Variants in GMEB2 observed in about 807,000 individuals in gnomAD.
GMEB2 encodes glucocorticoid modulatory element-binding protein 2.
In GMEB2, 7 loss-of-function variants were observed where a neutral mutation model predicts 45.7. The observed-to-expected ratio is 0.15, with a 90% CI of 0.09 to 0.29. The LOEUF is 0.29. GMEB2 is among the 10% of genes least tolerant of loss of function. The probability of loss-of-function intolerance (pLI) is 1.00; values close to 1 mark genes in which losing one functional copy is unlikely to be tolerated. For missense variants in GMEB2, 582 were observed against 739.2 expected (o/e 0.79, Z 2.47); for synonymous variants, 322 against 323.6 (o/e 1.00, Z 0.05).
intron 6 of GMEB2, among the ~76,000 whole-genome samples, chr20:63,595,304 G>A (rs2083186425): frequency 6.6e-6 from 1 of 151,954 alleles, no homozygotes; most frequent in East Asian, 1.9e-4. Flanking sequence ...GGGCCGGGTG[G>A]GCGCCCAGGC....
chr20:63,590,837 G>T, intron 9 of GMEB2, 108 bp from the exon 10 acceptor site: 2 of 636,972 alleles, frequency 3.1e-6, no homozygotes, highest in South Asian at 2.6e-5. Context: ...CTGGGTCAGT[G>T]GCAACCCAGG....
At chr20:63,626,763 C>A (rs947415924) in intron 1 of GMEB2, among the ~76,000 whole-genome samples, 193 bp downstream of exon 1, 9 of 146,744 alleles carry the variant, frequency 6.1e-5, no homozygotes, top group Non-Finnish European at 1.4e-4. Flanking sequence ...GCGCCCGCCA[C>A]CGCCCGCGCC....
intron 1 of GMEB2, among the ~76,000 whole-genome samples, chr20:63,626,027 G>A (rs974300880): frequency 6.6e-6 from 1 of 152,266 alleles, no homozygotes; most frequent in Non-Finnish European, 1.5e-5. Flanking sequence ...CGACTTTTCA[G>A]TCACGCATGA....
intron 6 of GMEB2, among the ~76,000 whole-genome samples, chr20:63,594,527 C>A (rs1468411323): frequency 6.6e-6 from 1 of 152,176 alleles, no homozygotes; most frequent in Non-Finnish European, 1.5e-5. Flanking sequence ...TGAGGCCTCC[C>A]TAGTGCCCTG....
At chr20:63,597,174 T>G (rs1245789882) in intron 5 of GMEB2, among the ~76,000 whole-genome samples, 4 of 150,032 alleles carry the variant, frequency 2.7e-5, no homozygotes, top group Non-Finnish European at 5.9e-5. Context: ...GTTTTTTTTT[T>G]TTTTTGAGAC....
At position 63,589,943 on chromosome 20, in the gene GMEB2, A is replaced by G; in HGVS notation, c.*146T>C. ...TTCTGTCCCCTTCTCTCTTCTCGTGATTTGTTTTGGCGATTCCTCTCTTTG... is the reference window on the plus strand; with the variant it reads ...TTCTGTCCCCTTCTCTCTTCTCGTGGTTTGTTTTGGCGATTCCTCTCTTTG... On this transcript the variant is annotated 3_prime_UTR_variant, in exon 10 of 10. Transcript: ENST00000370077. The G allele has an allele frequency of 1.8e-6, 1 of 569,048 alleles. No homozygotes were observed. Among genetic ancestry groups the G allele is most frequent in the South Asian group, 3.5e-5 (1 of 28,804 alleles). The allele number at this position is 569,048 out of a possible 1,614,324, so 35.2% of individuals were successfully genotyped here.
chr20:63,590,467 C>T lies in GMEB2; in HGVS notation c.1215G>A (p.Leu405=), dbSNP rs1328086789. Residue 405 remains leucine (L), a synonymous_variant, in exon 10 of 10, where the codon CTG becomes CTA. Coordinates refer to ENST00000370077, the MANE Select transcript of GMEB2 (RefSeq NM_012384.5). ...SVPLGKVVST[L]PSTVLGKGSL... Reference sequence around the variant, plus strand: ...AACCCTTGCCCAGGACGGTGGACGGCAGGGTGGACACCACTTTACCAAGGG... The same window carrying T: ...AACCCTTGCCCAGGACGGTGGACGGTAGGGTGGACACCACTTTACCAAGGG... 4 of 1,511,450 alleles carry T rather than the reference C, an allele frequency of 2.6e-6. No homozygotes were observed. Among genetic ancestry groups the T allele is most frequent in the Non-Finnish European group, 3.6e-6 (4 of 1,123,870 alleles). 93.6% of individuals were successfully genotyped at this position (1,511,450 alleles called of 1,614,324 possible). A position where few individuals can be genotyped will look rare whatever the true frequency, so the allele number is the denominator to read the frequency against.
At chr20:63,615,919 TAA>T (rs1465655107) in intron 2 of GMEB2, among the ~76,000 whole-genome samples, 1 of 152,230 alleles carries the variant, frequency 6.6e-6, no homozygotes, top group Non-Finnish European at 1.5e-5. Flanking sequence ...TGTTTCGATA[TAA>T]ACAGAACATC....
Position 63,595,620 on chromosome 20 carries a change from G to T in GMEB2, c.609C>A (p.Ala203=), listed in dbSNP as rs751196902. Residue 203 remains alanine (A), a synonymous_variant, in exon 6 of 10, where the codon GCC becomes GCA. Transcript: ENST00000370077. ...TSAEYIPLTP[A]AADVNGSPAT... Reference sequence around the variant, plus strand: ...GCCCTGTGCACCTACCGTCGGCTGCGGCGGGCGTGAGGGGAATGTACTCGG... The same window carrying T: ...GCCCTGTGCACCTACCGTCGGCTGCTGCGGGCGTGAGGGGAATGTACTCGG... 6.2e-7 allele frequency: 1 copy of T among 1,608,686 alleles called. No individual in the cohort carries two copies. The highest frequency in any genetic ancestry group is 8.5e-7 in the Non-Finnish European group (1 of 1,178,172).
rs1317918330 is a variant in GMEB2 at position 63,587,958 on chromosome 20, C to G, written c.*2131G>C. 1 of 152,326 alleles carries G rather than the reference C, an allele frequency of 6.6e-6. No individual in the cohort carries two copies. Among genetic ancestry groups the G allele is most frequent in the African/African-American group, 2.4e-5 (1 of 41,456 alleles). 9.4% of individuals were successfully genotyped at this position (152,326 alleles called of 1,614,324 possible). On this transcript the variant is annotated 3_prime_UTR_variant, in exon 10 of 10. Coordinates refer to ENST00000370077, the MANE Select transcript of GMEB2 (RefSeq NM_012384.5). ...CTTCCCCACCCACTGCAGTGTGGTT[C>G]CCATGAGGATGAGGGCTTCTCCAGG...
chr20:63,593,461 A>G lies in GMEB2; in HGVS notation c.620-379T>C, dbSNP rs1363615541. 6.6e-6 allele frequency among the ~76,000 whole-genome samples: 1 copy of G among 151,756 alleles called. No individual in the cohort carries two copies. Among genetic ancestry groups the G allele is most frequent in the Non-Finnish European group, 1.5e-5 (1 of 67,976 alleles). ...CTGCTTGACTTGTTTTCCCACCGAG[A>G]GCTCTGCGGCTGCGTCTGTCGCCCG... On this transcript the variant is annotated intron_variant, in intron 6 of 9. Coordinates refer to ENST00000370077, the MANE Select transcript of GMEB2 (RefSeq NM_012384.5). The surrounding 1 kb of genome is among the most constrained non-coding windows in gnomAD (Gnocchi z 4.7).
chr20:63,597,713 A>C, intron 5 of GMEB2, 44 bp downstream of exon 5: 1 of 1,042,458 alleles, frequency 9.6e-7, no homozygotes, highest in Non-Finnish European at 1.5e-6. Flanking sequence ...AAGAGCTGCC[A>C]GGGCCCCTTC....
At position 63,592,683 on chromosome 20, in the gene GMEB2, G is replaced by A. The variant is rs1289683160; in HGVS notation, c.692-13C>T. 6.2e-7 allele frequency: 1 copy of A among 1,611,596 alleles called. No homozygotes were observed. The highest frequency in any genetic ancestry group is 1.1e-5 in the South Asian group (1 of 91,036). ...GTAAATGTGTCATCTGTGAGGGAAGGAGTGGGTTCAGTGGGCAGGGAAAGT... is the reference window on the plus strand; with the variant it reads ...GTAAATGTGTCATCTGTGAGGGAAGAAGTGGGTTCAGTGGGCAGGGAAAGT... On this transcript the variant is annotated splice_polypyrimidine_tract_variant and intron_variant, in intron 7 of 9. Transcript: ENST00000370077. The surrounding 1 kb of genome is among the most constrained non-coding windows in gnomAD (Gnocchi z 8.2).
chr20:63,595,512 A>G (rs1287971954), intron 6 of GMEB2, 98 bp downstream of exon 6: 1 of 1,149,520 alleles, frequency 8.7e-7, no homozygotes, highest in Non-Finnish European at 1.2e-6. Context: ...TGGCGTGAGC[A>G]AACGCCTGGG....
chr20:63,620,942 G>A (rs913773891), intron 1 of GMEB2, among the ~76,000 whole-genome samples: 11 of 152,134 alleles, frequency 7.2e-5, no homozygotes, highest in Admixed American at 3.9e-4. Context: ...AGGTGCTATC[G>A]GACCAGCTCC....
chr20:63,611,722 A>T (rs2089572283), intron 2 of GMEB2, among the ~76,000 whole-genome samples: 1 of 152,204 alleles, frequency 6.6e-6, no homozygotes, highest in East Asian at 1.9e-4. Context: ...CAGGGGATCA[A>T]ATTGTTTTGC....
At position 63,589,095 on chromosome 20, in the gene GMEB2, G is replaced by A. The variant is rs2083119767; in HGVS notation, c.*994C>T. 2.5e-6 allele frequency: 1 copy of A among 399,206 alleles called. No individual in the cohort carries two copies. The allele number at this position is 399,206 out of a possible 1,614,324, so 24.7% of individuals were successfully genotyped here. On this transcript the variant is annotated 3_prime_UTR_variant, in exon 10 of 10. Transcript: ENST00000370077. ...CCAAGGGCTGTTCCGTGGCCAAGCA[G>A]CCCAAGCTGAAGGGCCCACATGGGA... is the stretch of plus-strand genomic sequence containing the variant.
intron 1 of GMEB2, among the ~76,000 whole-genome samples, chr20:63,620,364 C>T (rs977453061): frequency 6.6e-6 from 1 of 152,150 alleles, no homozygotes; most frequent in Non-Finnish European, 1.5e-5. Flanking sequence ...AGTGTGGGGG[C>T]TCCCTGTTGC....
At chr20:63,612,152 G>GA (rs1274197675) in intron 2 of GMEB2, among the ~76,000 whole-genome samples, 5 of 152,086 alleles carry the variant, frequency 3.3e-5, no homozygotes, top group Non-Finnish European at 5.9e-5. Flanking sequence ...TCTAAGAAAG[G>GA]AAAAAATATA....
Sources: gnomAD v4.1 joint callset for allele counts (sites outside exome capture counted in the v4.1 genomes callset) on GRCh38, gnomAD v4.1.1 for gene constraint, Gnocchi (gnomAD v3.1) non-coding constraint, MANE v1.5 for transcripts, NCBI Gene and HGNC (gene_info 2026-07-23, HGNC 2026-07-21) for gene names.